The following CSDE1 variants were observed in gnomAD, a reference collection of about 807,000 sequenced individuals.
CSDE1 encodes the protein cold shock domain containing E1.
Under a neutral mutation model 89.3 loss-of-function variants are expected in CSDE1, and 17 were observed. The observed-to-expected ratio is 0.19, with a 90% CI of 0.13 to 0.29. The LOEUF (loss-of-function observed/expected upper bound fraction) is 0.29, where lower values mean the gene tolerates loss of function less well. Among genes scored for constraint, CSDE1 ranks in the 10% least tolerant of loss-of-function variants. The probability of loss-of-function intolerance (pLI) is 1.00; values close to 1 mark genes in which losing one functional copy is unlikely to be tolerated. For synonymous variants in CSDE1, 322 were observed against 332.8 expected, an observed-to-expected ratio of 0.97 and a Z score of 0.35; for missense variants, 672 against 984.2, an observed-to-expected ratio of 0.68 and a Z score of 4.24.
intron 18 of CSDE1, 125 bp downstream of exon 18, chr1:114,719,454 A>G: frequency 9.9e-7 from 1 of 1,008,074 alleles, no homozygotes; most frequent in South Asian, 1.9e-5. Flanking sequence ...AACTAGAAGT[A>G]GGAAGTATCA....
chr1:114,720,019 T>C (rs181431346), intron 17 of CSDE1, among the ~76,000 whole-genome samples: 80 of 152,294 alleles, frequency 5.3e-4, no homozygotes, highest in Non-Finnish European at 1.5e-4. Context: ...CAGGAAGCTG[T>C]TACTTCAACA....
chr1:114,739,773 T>G lies in CSDE1; in HGVS notation c.118A>C (p.Ile40Leu). Residue 40 changes from isoleucine to leucine, a missense_variant, in exon 3 of 20, where the codon ATT becomes CTT. Transcript: ENST00000358528. ...IEKLLTSYGF[I>L]QCSERQARLF... ...CTAGCTTGACGTTCTGAACACTGAATAAATCCGTAAGAGGTTAACAGTTTT... is the reference window on the plus strand; with the variant it reads ...CTAGCTTGACGTTCTGAACACTGAAGAAATCCGTAAGAGGTTAACAGTTTT... 1 of 1,614,146 alleles carries G rather than the reference T, an allele frequency of 6.2e-7. No individual in the cohort carries two copies. Among genetic ancestry groups the G allele is most frequent in the Non-Finnish European group, 8.5e-7 (1 of 1,179,990 alleles).
chr1:114,742,710 C>T (rs1558004437), intron 2 of CSDE1, among the ~76,000 whole-genome samples: 1 of 152,206 alleles, frequency 6.6e-6, no homozygotes, highest in African/African-American at 2.4e-5. Context: ...ACTAGTTCTT[C>T]AACCTCCACA....
chr1:114,757,544 C>T (rs528008643), intron 1 of CSDE1, among the ~76,000 whole-genome samples: 2 of 152,158 alleles, frequency 1.3e-5, no homozygotes, highest in South Asian at 2.1e-4. Flanking sequence ...CCAGACAAGC[C>T]GCAGATGGGG....
chr1:114,721,981 A>G (rs1368510889), intron 16 of CSDE1, among the ~76,000 whole-genome samples: 1 of 151,058 alleles, frequency 6.6e-6, no homozygotes, highest in Admixed American at 6.6e-5. Flanking sequence ...TCCCAGGTTC[A>G]AGTGATTCTC....
At position 114,732,737 on chromosome 1, in the gene CSDE1, G is replaced by A. The variant is rs1660172118; in HGVS notation, c.917C>T (p.Ser306Phe). 6.2e-7 allele frequency: 1 copy of A among 1,613,970 alleles called. No homozygotes were observed. ...ELPFGDKDTK[S>F]KVTLLEGDHV... Reference sequence around the variant, plus strand: ...GTCACCTTCCAGCAGGGTCACCTTGGATTTCGTATCTTTGTCTCCAAAGGG... The same window carrying A: ...GTCACCTTCCAGCAGGGTCACCTTGAATTTCGTATCTTTGTCTCCAAAGGG... The change falls in exon 10 of 20, where the codon TCC becomes TTC. Residue 306 changes from serine (S) to phenylalanine (F), a missense_variant. Around this residue, in one of 8 missense-constraint regions of CSDE1, gnomAD observed 169 missense variants for 262.9 expected, o/e 0.64. Coordinates refer to ENST00000358528, the MANE Select transcript of CSDE1 (RefSeq NM_001007553.3).
chr1:114,732,659 G>A lies in CSDE1; in HGVS notation c.995C>T (p.Thr332Ile). ...TDRRDKLERA[T>I]NIEVLSNTFQ... ...TGTATTTGACAGAACTTCTATATTG[G>A]TTGCTCGCTCTAATTTGTCACGTCG... Residue 332 changes from threonine to isoleucine, a missense_variant, in exon 10 of 20, where the codon ACC becomes ATC. Transcript: ENST00000358528. 1 of 1,614,090 alleles carries A rather than the reference G, an allele frequency of 6.2e-7. No individual in the cohort carries two copies. The highest frequency in any genetic ancestry group is 1.1e-5 in the South Asian group (1 of 91,076).
chr1:114,741,385 T>G, intron 2 of CSDE1: 1 of 727,522 alleles, frequency 1.4e-6, no homozygotes, highest in African/African-American at 1.8e-5. Context: ...TGAAGTTATC[T>G]TTCAAGAGTG....
chr1:114,728,777 C>A (rs892643498), intron 12 of CSDE1, among the ~76,000 whole-genome samples: 34 of 152,204 alleles, frequency 2.2e-4, no homozygotes, highest in African/African-American at 8.2e-4. Context: ...AATTTAAAAA[C>A]TGAAGCTCAG....
At chr1:114,723,234 A>G (rs189228179) in intron 16 of CSDE1, among the ~76,000 whole-genome samples, 6 of 152,238 alleles carry the variant, frequency 3.9e-5, no homozygotes, top group Admixed American at 1.3e-4. Flanking sequence ...TATCCTAATC[A>G]TCTACAGAGT....
chr1:114,723,794 A>G, intron 16 of CSDE1, 89 bp downstream of exon 16: 1 of 1,565,504 alleles, frequency 6.4e-7, no homozygotes, highest in Non-Finnish European at 8.8e-7. Flanking sequence ...CCTAAAAACA[A>G]CTGCAATAAG....
In CSDE1 at chr1:114,718,325, T is replaced by TCTTATG. The variant is rs2101001880; in HGVS notation, c.2350-115_2350-110dup. 3 of 1,285,554 alleles carry TCTTATG rather than the reference T, an allele frequency of 2.3e-6. No individual in the cohort carries two copies. In the East Asian group the frequency reaches 7.0e-5, roughly 30 times the overall value. The allele number at this position is 1,285,554 out of a possible 1,614,324, so 79.6% of individuals were successfully genotyped here. On this transcript the variant is annotated intron_variant, in intron 19 of 19. Coordinates refer to ENST00000358528, the MANE Select transcript of CSDE1 (RefSeq NM_001007553.3). The stretch of plus-strand genomic sequence containing the variant: ...ACTACAAAAGCATTATTTTTAATCA[T>TCTTATG]CTTATGCAGTACTAATTCTTTCCTA...
intron 10 of CSDE1, 66 bp from the exon 11 acceptor site, chr1:114,730,714 A>G: frequency 6.4e-6 from 10 of 1,571,630 alleles, no homozygotes; most frequent in Non-Finnish European, 8.7e-6. Flanking sequence ...CAACTTTACA[A>G]CCACCATCAA....
At chr1:114,728,458 A>C (rs1659917296) in intron 12 of CSDE1, among the ~76,000 whole-genome samples, 1 of 152,218 alleles carries the variant, frequency 6.6e-6, no homozygotes, top group Non-Finnish European at 1.5e-5. Flanking sequence ...AGACAGATTC[A>C]TTAACAGGTA....
intron 2 of CSDE1, 96 bp downstream of exon 2, chr1:114,749,725 C>G (rs1333567786): frequency 6.6e-6 from 1 of 152,378 alleles, no homozygotes; most frequent in African/African-American, 2.4e-5. Flanking sequence ...TTCTGAATAC[C>G]TTTAGAAAAG....
chr1:114,728,660 G>A (rs1659935256), intron 12 of CSDE1, among the ~76,000 whole-genome samples: 2 of 152,146 alleles, frequency 1.3e-5, no homozygotes, highest in East Asian at 1.9e-4. Flanking sequence ...AAGCCCAACT[G>A]AAGTGTATTT....
chr1:114,754,273 G>A (rs778616812), intron 1 of CSDE1, among the ~76,000 whole-genome samples: 1 of 152,166 alleles, frequency 6.6e-6, no homozygotes, highest in African/African-American at 2.4e-5. Flanking sequence ...GATTACAGGC[G>A]TGAGCCACTG....
intron 10 of CSDE1, 45 bp downstream of exon 10, chr1:114,732,559 G>T: frequency 6.4e-7 from 1 of 1,569,476 alleles, no homozygotes; most frequent in Non-Finnish European, 8.8e-7. Flanking sequence ...ATATAACATT[G>T]GCTTTCGCAT....
intron 2 of CSDE1, chr1:114,741,672 A>AG: frequency 6.5e-7 from 1 of 1,542,258 alleles, no homozygotes. Flanking sequence ...CATCTCAAAC[A>AG]GCTGTTATAA....
Sources: gnomAD v4.1 joint callset for allele counts (sites outside exome capture counted in the v4.1 genomes callset) on GRCh38, gnomAD v4.1.1 for gene constraint, gnomAD v4.1.1 regional missense constraint, MANE v1.5 for transcripts, NCBI Gene and HGNC (gene_info 2026-07-23, HGNC 2026-07-21) for gene names.